The following PHC3 variants were observed in gnomAD, a reference collection of about 807,000 sequenced individuals.
PHC3 encodes polyhomeotic homolog 3.
Under a neutral mutation model 107.4 loss-of-function variants are expected in PHC3, and 13 were observed. The observed-to-expected ratio is 0.12, with a 90% CI of 0.08 to 0.19. PHC3 has a LOEUF of 0.19. Among genes scored for constraint, PHC3 ranks in the 10% least tolerant of loss-of-function variants. The pLI is 1.00. For synonymous variants in PHC3, 456 were observed against 427.4 expected, an observed-to-expected ratio of 1.07 and a Z score of -0.83; for missense variants, 992 against 1,210.9, an observed-to-expected ratio of 0.82 and a Z score of 2.68.
At position 170,094,490 on chromosome 3, in the gene PHC3, C is replaced by T. The variant is rs1714432072; in HGVS notation, c.*2740G>A. The T allele has an allele frequency of 6.6e-6, 1 of 152,114 alleles. No homozygotes were observed. The highest frequency in any genetic ancestry group is 2.4e-5 in the African/African-American group (1 of 41,402). 9.4% of individuals were successfully genotyped at this position (152,114 alleles called of 1,614,324 possible). A position where few individuals can be genotyped will look rare whatever the true frequency, so the allele number is the denominator to read the frequency against. On this transcript the variant is annotated 3_prime_UTR_variant, in exon 15 of 15. Transcript: ENST00000495893. ...TCTCTCCCCAGTCAAAATCCTAAAA[C>T]TATTAGTAGTAGTATGAAAGGATAT...
At chr3:170,163,161 A>G (rs1473406569) in intron 4 of PHC3, among the ~76,000 whole-genome samples, 1 of 152,162 alleles carries the variant, frequency 6.6e-6, no homozygotes, top group Admixed American at 6.5e-5. Context: ...CTCGATAAAT[A>G]TTTGATGACT....
At chr3:170,158,325 T>C (rs1727220438) in intron 4 of PHC3, among the ~76,000 whole-genome samples, 1 of 152,292 alleles carries the variant, frequency 6.6e-6, no homozygotes, top group African/African-American at 2.4e-5. Context: ...ATTGTGCCAC[T>C]GCACTCCAGC....
intron 3 of PHC3, 126 bp from the exon 4 acceptor site, chr3:170,171,576 T>C (rs951765673): frequency 2.2e-5 from 14 of 639,426 alleles, no homozygotes; most frequent in African/African-American, 2.1e-4. Context: ...ACTAATTTTA[T>C]AGTCAACATG....
In PHC3 at chr3:170,178,854, G is replaced by C; in HGVS notation, c.99C>G (p.Thr33=). 6.2e-7 allele frequency: 1 copy of C among 1,613,966 alleles called. No individual in the cohort carries two copies. The highest frequency in any genetic ancestry group is 8.5e-7 in the Non-Finnish European group (1 of 1,179,840). ...SVSTTTSSTT[T]TTITTSSSRM... ...GAGAGGAGGAAGTGGTGATGGTGGT[G>C]GTGGTGGTACTGCTGGTTGTTGTTG... The change falls in exon 2 of 15, where the codon ACC becomes ACG. Residue 33 remains threonine, a synonymous_variant. Transcript: ENST00000495893.
chr3:170,149,215 T>C lies in PHC3; in HGVS notation c.444A>G (p.Ala148=). 6.2e-7 allele frequency: 1 copy of C among 1,612,790 alleles called. No homozygotes were observed. The highest frequency in any genetic ancestry group is 8.5e-7 in the Non-Finnish European group (1 of 1,179,696). ...AAGCCTGGGAACGGCTTATTAACTG[T>C]GCAGGTGTAGGAGAAGTGGAGAGGT... ...SINLSTSPTP[A]QLISRSQASS... The change falls in exon 5 of 15, where the codon GCA becomes GCG. Residue 148 remains alanine (A), a synonymous_variant. Coordinates refer to ENST00000495893, the MANE Select transcript of PHC3 (RefSeq NM_024947.4).
intron 13 of PHC3, 32 bp downstream of exon 13, chr3:170,102,770 G>T (rs969924230): frequency 6.2e-7 from 1 of 1,613,436 alleles, no homozygotes; most frequent in African/African-American, 1.3e-5. Flanking sequence ...TCTGAAAAGG[G>T]TATTTTACAT....
chr3:170,154,269 T>C (rs1726528777), intron 4 of PHC3, among the ~76,000 whole-genome samples: 1 of 152,248 alleles, frequency 6.6e-6, no homozygotes, highest in Non-Finnish European at 1.5e-5. Context: ...TAAGGCATAT[T>C]CATGCAATAT....
intron 10 of PHC3, among the ~76,000 whole-genome samples, chr3:170,115,366 A>G (rs1218014034): frequency 6.6e-6 from 1 of 152,102 alleles, no homozygotes; most frequent in African/African-American, 2.4e-5. Context: ...ATGTATCTAT[A>G]ACATATATAC....
At chr3:170,168,205 A>G (rs1341296414) in intron 4 of PHC3, among the ~76,000 whole-genome samples, 1 of 151,988 alleles carries the variant, frequency 6.6e-6, no homozygotes, top group East Asian at 1.9e-4. Context: ...AGGGAAAGGA[A>G]GGCTAAAATT....
intron 3 of PHC3, 53 bp from the exon 4 acceptor site, chr3:170,171,503 T>C: frequency 7.8e-7 from 1 of 1,280,852 alleles, no homozygotes; most frequent in Non-Finnish European, 1.1e-6. Context: ...AGTTAAGAAC[T>C]TTCTGGTACC....
At chr3:170,138,201 A>G (rs189992453) in intron 6 of PHC3, among the ~76,000 whole-genome samples, 31 of 152,246 alleles carry the variant, frequency 2.0e-4, no homozygotes, top group Admixed American at 5.9e-4. Flanking sequence ...TCTCAAAAAA[A>G]CAAATAAATA....
At chr3:170,163,461 AGTGTGTGTGTGTGTGT>A (rs56986650) in intron 4 of PHC3, among the ~76,000 whole-genome samples, 20 of 146,316 alleles carry the variant, frequency 1.4e-4, no homozygotes, top group East Asian at 8.0e-4. Flanking sequence ...TTTAGTAAAG[AGTGTGTGTGTGTGTGT>A]GTGTGTGTGT....
rs1207455571 is a variant in PHC3 at position 170,168,630 on chromosome 3, T to G, written c.414+2743A>C. On this transcript the variant is annotated intron_variant, in intron 4 of 14. Transcript: ENST00000495893. ...TTAGCAGGGTGCGGTGGCGGGCGCC[T>G]GTAGTCCCAGCTACTCAGGAGGCTG... 2.6e-5 allele frequency among the ~76,000 whole-genome samples: 4 copies of G among 152,082 alleles called. No homozygotes were observed. In the East Asian group the frequency reaches 7.8e-4, roughly 29 times the overall value.
intron 2 of PHC3, among the ~76,000 whole-genome samples, chr3:170,175,626 A>G (rs1730308357): frequency 6.6e-6 from 1 of 151,112 alleles, no homozygotes; most frequent in African/African-American, 2.4e-5. Context: ...GAGAGAAGAA[A>G]AAAAAAAAAA....
At chr3:170,174,157 C>T (rs966669759) in intron 2 of PHC3, among the ~76,000 whole-genome samples, 10 of 151,830 alleles carry the variant, frequency 6.6e-5, no homozygotes, top group Middle Eastern at 3.4e-3. Context: ...CATGCCACTG[C>T]ACTCCAGCCT....
At chr3:170,172,465 G>A (rs921322321) in intron 3 of PHC3, 92 bp downstream of exon 3, 2 of 1,378,696 alleles carry the variant, frequency 1.5e-6, no homozygotes, top group African/African-American at 2.9e-5. Flanking sequence ...GGACATCTGA[G>A]AACTCTGAAA....
intron 2 of PHC3, 146 bp downstream of exon 2, chr3:170,178,625 CCA>C (rs2108793381): frequency 1.2e-6 from 1 of 860,566 alleles, no homozygotes; most frequent in Admixed American, 2.1e-5. Flanking sequence ...TCTGCTATAG[CCA>C]CACAAAATGG....
intron 2 of PHC3, among the ~76,000 whole-genome samples, chr3:170,177,838 T>A (rs1366289872): frequency 7.0e-6 from 1 of 142,508 alleles, no homozygotes; most frequent in African/African-American, 2.5e-5. Flanking sequence ...GCCCTGCTGA[T>A]TTTTGTATTT....
Position 170,128,904 on chromosome 3 carries a change from G to T in PHC3, c.1568C>A (p.Ala523Asp). ...SPPQMSTSPP[A>D]QIPPLPLQSM... ...CTGCAAGGGCAGTGGTGGAATCTGA[G>T]CTGGAGGAGATGTCGACATCTGTGG... is the stretch of plus-strand genomic sequence containing the variant. Residue 523 changes from alanine to aspartate, a missense_variant, in exon 8 of 15, where the codon GCT becomes GAT. By Grantham distance (126) the Ala-to-Asp change is moderately radical. This residue lies in a region of PHC3 where 543 missense variants were observed against 590.8 expected (regional missense o/e 0.92). Transcript: ENST00000495893. The T allele has an allele frequency of 6.2e-7, 1 of 1,614,032 alleles. No individual in the cohort carries two copies. Among genetic ancestry groups the T allele is most frequent in the Non-Finnish European group, 8.5e-7 (1 of 1,179,888 alleles).
Sources: allele counts gnomAD v4.1 joint callset (sites outside exome capture counted in the v4.1 genomes callset), GRCh38; gene constraint gnomAD v4.1.1; regional missense constraint gnomAD v4.1.1; transcripts MANE v1.5; gene names NCBI Gene and HGNC (gene_info 2026-07-23, HGNC 2026-07-21).